The following KNTC1 variants were observed in gnomAD, a reference collection of about 807,000 sequenced individuals.
The protein encoded by KNTC1 is kinetochore associated 1, also known as kinetochore-associated protein 1.
Under a neutral mutation model 314.4 loss-of-function variants are expected in KNTC1, and 253 were observed. The ratio of observed to expected loss-of-function variants is 0.80; its 90% CI spans 0.73 to 0.89. The LOEUF (loss-of-function observed/expected upper bound fraction) is 0.89, where lower values mean the gene tolerates loss of function less well. KNTC1 is among the 40% of genes least tolerant of loss of function. The pLI is 0.00. For synonymous variants in KNTC1, 901 were observed against 901.4 expected, an observed-to-expected ratio of 1.00 and a Z score of 0.01; for missense variants, 2,475 against 2,572.9, an observed-to-expected ratio of 0.96 and a Z score of 0.82.
chr12:122,584,588 A>T, intron 35 of KNTC1, 138 bp downstream of exon 35: 1 of 612,696 alleles, frequency 1.6e-6, no homozygotes, highest in East Asian at 2.9e-5. Context: ...AGGGATGCTT[A>T]TAATTGATTC....
intron 5 of KNTC1, among the ~76,000 whole-genome samples, chr12:122,541,326 G>GTCCT (rs1565934826): frequency 1.0e-5 from 1 of 100,142 alleles, no homozygotes; most frequent in Non-Finnish European, 2.2e-5. Context: ...CCTTCCTTCC[G>GTCCT]TCCTTCCTCT....
rs776300972 is a variant in KNTC1, at chr12:122,613,752, C to T, written c.5868C>T (p.His1956=). 6 of 1,609,452 alleles carry T rather than the reference C, an allele frequency of 3.7e-6. No homozygotes were observed. The East Asian group carries it at 6.7e-5, about 18-fold the overall frequency. ...AGGGTCTGTGGAAAAACCACAGCCACGAGTCCATGGTAGGTACACCTCACT... is the reference window on the plus strand; with the variant it reads ...AGGGTCTGTGGAAAAACCACAGCCATGAGTCCATGGTAGGTACACCTCACT... ...MIKGLWKNHS[H]ESMAVRLVTE... is the part of the protein sequence containing the mutation. Residue 1956 remains histidine, a synonymous_variant, in exon 55 of 64, where the codon CAC becomes CAT. Transcript: ENST00000333479.
At chr12:122,562,439 T>TTTTTTG (rs370627145) in intron 19 of KNTC1, among the ~76,000 whole-genome samples, 199 bp from the exon 20 acceptor site, 2 of 144,982 alleles carry the variant, frequency 1.4e-5, no homozygotes, top group African/African-American at 5.2e-5. Flanking sequence ...ATCCCATGTT[T>TTTTTTG]TGTGTGTGTG....
At chr12:122,559,668 G>C (rs1963848106) in intron 18 of KNTC1, among the ~76,000 whole-genome samples, 1 of 152,086 alleles carries the variant, frequency 6.6e-6, no homozygotes, top group African/African-American at 2.4e-5. Flanking sequence ...CACCTCCTGG[G>C]TTCAAGTGAT....
In KNTC1 at chr12:122,570,900, C is replaced by T; in HGVS notation, c.1885C>T (p.Gln629Ter). 1 of 1,557,750 alleles carries T rather than the reference C, an allele frequency of 6.4e-7. No individual in the cohort carries two copies. The highest frequency in any genetic ancestry group is 1.2e-5 in the South Asian group (1 of 84,930). Reference protein sequence around the residue: ...GQIILAKWLEQAARNLELTDK... With the variant: ...GQIILAKWLE ...GATAATTCTTGCAAAATGGTTGGAA[C>T]AAGCAGCCAGGAACCTTGAATTAAC... Residue 629 changes from glutamine to a stop codon, truncating the protein, a stop_gained, in exon 23 of 64, where the codon CAA becomes TAA. Coordinates refer to ENST00000333479, the MANE Select transcript of KNTC1 (RefSeq NM_014708.6). LOFTEE classifies it high-confidence loss of function.
Position 122,557,508 on chromosome 12 carries a change from A to G in KNTC1, c.1397A>G (p.Gln466Arg), listed in dbSNP as rs779516600. ...GCTAAGGAAAATCTACATAAGATCC[A>G]GGTATGTTTTTCTTGTCACATACTA... ...DDAKENLHKI[Q>R]DDEFVVNYCL... Residue 466 changes from glutamine to arginine, a missense_variant and splice_region_variant, in exon 17 of 64, where the codon CAG (glutamine) becomes CGG (arginine). Transcript: ENST00000333479. 140 of 1,613,634 alleles carry G rather than the reference A, an allele frequency of 8.7e-5. No homozygotes were observed. The South Asian group carries it at 1.5e-3, about 17-fold the overall frequency.
chr12:122,562,594 A>C (rs952731870), intron 19 of KNTC1, 44 bp from the exon 20 acceptor site: 8 of 1,113,090 alleles, frequency 7.2e-6, no homozygotes, highest in Admixed American at 3.8e-5. Context: ...TAATTTCAAT[A>C]TTGTTGCATA....
intron 55 of KNTC1, 118 bp from the exon 56 acceptor site, chr12:122,614,873 T>TC: frequency 1.6e-6 from 1 of 608,584 alleles, no homozygotes; most frequent in Non-Finnish European, 2.8e-6. Flanking sequence ...AGAGTGAGAC[T>TC]CCATCTCAAA....
chr12:122,574,220 G>A, intron 26 of KNTC1, 62 bp from the exon 27 acceptor site: 2 of 909,240 alleles, frequency 2.2e-6, no homozygotes, highest in South Asian at 1.5e-5. Context: ...CTAGCTGTAT[G>A]TGGCATTTTT....
At chr12:122,544,298 T>C in intron 8 of KNTC1, 29 bp downstream of exon 8, 1 of 1,158,520 alleles carries the variant, frequency 8.6e-7, no homozygotes, top group East Asian at 2.6e-5. Context: ...TTTTGTTTTT[T>C]GTTGCCTAAA....
intron 31 of KNTC1, among the ~76,000 whole-genome samples, chr12:122,578,511 C>G (rs949137131): frequency 6.6e-6 from 1 of 152,140 alleles, no homozygotes; most frequent in Admixed American, 6.6e-5. Flanking sequence ...CAACCTCTGC[C>G]TCTCAGGTTG....
chr12:122,534,875 T>G, intron 3 of KNTC1, 91 bp downstream of exon 3: 4 of 1,251,758 alleles, frequency 3.2e-6, no homozygotes, highest in Non-Finnish European at 4.6e-6. Flanking sequence ...CTTTACTCCA[T>G]TATTTCTAAG....
At chr12:122,611,282 A>AATTCTAGCT (rs1873085938) in intron 53 of KNTC1, 1 of 169,568 alleles carries the variant, frequency 5.9e-6, no homozygotes, top group African/African-American at 2.4e-5. Flanking sequence ...CTGCCCACTA[A>AATTCTAGCT]ATTCTAGCTA....
At position 122,626,321 on chromosome 12, in the gene KNTC1, G is replaced by C. The variant is rs1160424654; in HGVS notation, c.*93G>C. ...ACAGTTTTTAAATTGTACAATCTCT[G>C]TATTATAGCTATTTGTCTAACATTA... On this transcript the variant is annotated 3_prime_UTR_variant, in exon 64 of 64. Transcript: ENST00000333479. 7 of 828,976 alleles carry C rather than the reference G, an allele frequency of 8.4e-6. No homozygotes were observed. The highest frequency in any genetic ancestry group is 1.4e-5 in the Non-Finnish European group (7 of 504,806). The allele number at this position is 828,976 out of a possible 1,614,324, so 51.4% of individuals were successfully genotyped here. A position where few individuals can be genotyped will look rare whatever the true frequency, so the allele number is the denominator to read the frequency against.
intron 3 of KNTC1, 57 bp downstream of exon 3, chr12:122,534,841 C>G: frequency 6.6e-7 from 1 of 1,526,600 alleles, no homozygotes; most frequent in Non-Finnish European, 9.0e-7. Flanking sequence ...ACATCTGCTG[C>G]CAATTTCTGC....
In KNTC1 at chr12:122,590,655, A is replaced by C; in HGVS notation, c.4048A>C (p.Thr1350Pro). ...TCTTGACCTGGCGTTGGGTTACTGC[A>C]CTCTCTTACCTCAAAAAGATGTGTT... The part of the protein sequence containing the change: ...VDLDLALGYC[T>P]LLPQKDVFEN... Residue 1350 changes from threonine (T) to proline (P), a missense_variant, in exon 41 of 64, where the codon ACT becomes CCT. Transcript: ENST00000333479. The C allele has an allele frequency of 1.2e-6, 2 of 1,613,504 alleles. No homozygotes were observed. The highest frequency in any genetic ancestry group is 1.3e-5 in the African/African-American group (1 of 74,958).
At chr12:122,563,569 A>G (rs1410771296) in intron 20 of KNTC1, among the ~76,000 whole-genome samples, 1 of 151,990 alleles carries the variant, frequency 6.6e-6, no homozygotes, top group Admixed American at 6.6e-5. Context: ...AGGCAGCCAC[A>G]ATTATTTTTT....
intron 43 of KNTC1, among the ~76,000 whole-genome samples, chr12:122,596,512 A>G (rs1423750229): frequency 6.6e-6 from 1 of 151,046 alleles, no homozygotes; most frequent in Non-Finnish European, 1.5e-5. Flanking sequence ...TCACGTGCCC[A>G]GCCTGATTTT....
At chr12:122,545,487 C>T (rs556599646) in intron 8 of KNTC1, among the ~76,000 whole-genome samples, 1 of 152,170 alleles carries the variant, frequency 6.6e-6, no homozygotes, top group Non-Finnish European at 1.5e-5. Flanking sequence ...TTTAACATTT[C>T]ACCAGGGTTT....
Sources: gnomAD v4.1 joint callset for allele counts (sites outside exome capture counted in the v4.1 genomes callset) on GRCh38, gnomAD v4.1.1 for gene constraint, MANE v1.5 for transcripts, NCBI Gene and HGNC (gene_info 2026-07-23, HGNC 2026-07-21) for gene names.